PRMT3: variants seen among roughly 807,000 people sequenced by gnomAD.
PRMT3 encodes protein arginine methyltransferase 3, also known as protein arginine N-methyltransferase 3.
Under a neutral mutation model 71.9 loss-of-function variants are expected in PRMT3, and 62 were observed. The observed-to-expected ratio is 0.86, with a 90% CI of 0.70 to 1.07. PRMT3 has a LOEUF of 1.07. PRMT3 is among the 50% of genes least tolerant of loss of function. The pLI, the probability that PRMT3 is intolerant of heterozygous loss-of-function variation, is 0.00. For synonymous variants in PRMT3, 213 were observed against 220.4 expected (o/e 0.97, Z 0.30); for missense variants, 663 against 643.0 (o/e 1.03, Z -0.34).
Position 20,508,171 on chromosome 11 carries a change from GAAT to G in PRMT3, c.1487-131_1487-129del, listed in dbSNP as rs1366783509. The G allele has an allele frequency of 8.7e-5, 30 of 345,976 alleles. No homozygotes were observed. The East Asian group carries it at 9.2e-4, about 11-fold the overall frequency. 21.4% of individuals were successfully genotyped at this position (345,976 alleles called of 1,614,324 possible). A position where few individuals can be genotyped will look rare whatever the true frequency, so the allele number is the denominator to read the frequency against. On this transcript the variant is annotated intron_variant, in intron 15 of 15. Transcript: ENST00000331079. ...TCTTAAAAAAAAAAAAAAAAAAAAAGAATATTAACCTTAAATAAAGTTTAAAAA... is the reference window on the plus strand; with the variant it reads ...TCTTAAAAAAAAAAAAAAAAAAAAAGATTAACCTTAAATAAAGTTTAAAAA...
chr11:20,471,919 C>A (rs1001360780), intron 13 of PRMT3, among the ~76,000 whole-genome samples: 2 of 152,080 alleles, frequency 1.3e-5, no homozygotes, highest in African/African-American at 4.8e-5. Context: ...TCCTTCACTT[C>A]CCTCGTTAGC....
intron 6 of PRMT3, among the ~76,000 whole-genome samples, chr11:20,396,194 G>C (rs1366009891): frequency 6.6e-6 from 1 of 152,130 alleles, no homozygotes; most frequent in Non-Finnish European, 1.5e-5. Flanking sequence ...TTGTCCTCAT[G>C]AATGTTTTTG....
intron 10 of PRMT3, among the ~76,000 whole-genome samples, chr11:20,447,601 T>G (rs2133381513): frequency 6.6e-6 from 1 of 152,258 alleles, no homozygotes; most frequent in Middle Eastern, 3.4e-3. Context: ...CAGTATACTT[T>G]GTTACATGAA....
At chr11:20,403,945 A>T (rs781618833) in intron 8 of PRMT3, among the ~76,000 whole-genome samples, 1 of 151,794 alleles carries the variant, frequency 6.6e-6, no homozygotes, top group Non-Finnish European at 1.5e-5. Flanking sequence ...TATAATCTGG[A>T]TTGGCTTTTC....
chr11:20,420,263 T>G (rs534481342), intron 9 of PRMT3, among the ~76,000 whole-genome samples: 2 of 152,270 alleles, frequency 1.3e-5, no homozygotes, highest in East Asian at 3.9e-4. Context: ...ATCAGAAAAA[T>G]CTATTGAGCG....
At chr11:20,500,767 G>A (rs899201817) in intron 15 of PRMT3, among the ~76,000 whole-genome samples, 3 of 152,164 alleles carry the variant, frequency 2.0e-5, no homozygotes, top group African/African-American at 4.8e-5. Context: ...AGCTTAGACT[G>A]TAAAACTTCT....
At chr11:20,424,165 C>G (rs1260707071) in intron 9 of PRMT3, among the ~76,000 whole-genome samples, 3 of 111,150 alleles carry the variant, frequency 2.7e-5, no homozygotes, top group African/African-American at 7.3e-5. Context: ...GCCTGGGCAA[C>G]AAAGCAAGAC....
At chr11:20,467,048 G>A (rs1470698398) in intron 13 of PRMT3, among the ~76,000 whole-genome samples, 1 of 152,172 alleles carries the variant, frequency 6.6e-6, no homozygotes, top group African/African-American at 2.4e-5. Context: ...GGTGGCAGGA[G>A]GTTGGAGTGG....
chr11:20,477,774 G>A (rs1850828302), intron 13 of PRMT3, among the ~76,000 whole-genome samples: 1 of 151,052 alleles, frequency 6.6e-6, no homozygotes, highest in South Asian at 2.1e-4. Flanking sequence ...TGAACTGTGT[G>A]GCCACAGAAG....
At chr11:20,441,993 ATGT>A (rs1294861854) in intron 10 of PRMT3, among the ~76,000 whole-genome samples, 1 of 152,028 alleles carries the variant, frequency 6.6e-6, no homozygotes, top group Non-Finnish European at 1.5e-5. Context: ...GGGTTTCGCC[ATGT>A]TGGCGGGGCT....
intron 15 of PRMT3, among the ~76,000 whole-genome samples, chr11:20,500,975 C>T (rs185668579): frequency 6.6e-6 from 1 of 152,316 alleles, no homozygotes; most frequent in East Asian, 1.9e-4. Context: ...CAACCCCATC[C>T]TTTCACAACC....
chr11:20,415,475 A>G (rs1849284723), intron 9 of PRMT3, among the ~76,000 whole-genome samples: 2 of 151,698 alleles, frequency 1.3e-5, no homozygotes, highest in African/African-American at 4.8e-5. Context: ...CAGAAACAGC[A>G]GGAAAAAGAT....
chr11:20,464,098 G>A (rs7944107), intron 12 of PRMT3, among the ~76,000 whole-genome samples: 139,130 of 152,218 alleles, frequency 0.91, 64,311 homozygotes, highest in Non-Finnish European at 0.99. Flanking sequence ...ACCATACACA[G>A]TAGGCAAAAT....
intron 7 of PRMT3, among the ~76,000 whole-genome samples, chr11:20,398,012 TA>T (rs11424785): frequency 0.031 from 3,757 of 121,654 alleles, 170 homozygotes; most frequent in African/African-American, 0.11. Flanking sequence ...TGTCTCTATT[TA>T]AAAAAAAAAA....
intron 13 of PRMT3, among the ~76,000 whole-genome samples, chr11:20,471,905 G>A (rs2133417360): frequency 6.6e-6 from 1 of 152,190 alleles, no homozygotes; most frequent in Non-Finnish European, 1.5e-5. Context: ...TCTCCTTGAA[G>A]AGGTCCTTCA....
At chr11:20,476,136 G>T (rs1004607493) in intron 13 of PRMT3, among the ~76,000 whole-genome samples, 3 of 151,734 alleles carry the variant, frequency 2.0e-5, no homozygotes, top group Non-Finnish European at 4.4e-5. Flanking sequence ...GATCACCTCA[G>T]GTCAAGAGTT....
rs1400448463 is a variant in PRMT3, at chr11:20,466,341, C to T, written c.1347+1795C>T. On this transcript the variant is annotated intron_variant, in intron 13 of 15. Coordinates refer to ENST00000331079, the MANE Select transcript of PRMT3 (RefSeq NM_005788.4). ...CTACAGAGCTGCCTGTTTTAAATAG[C>T]CTAGCACTGTAGGTTCTATTTACCT... Among the ~76,000 whole-genome samples the T allele has an allele frequency of 2.6e-5, 4 of 152,156 alleles. No homozygotes were observed. In the East Asian group the frequency reaches 5.8e-4, roughly 22 times the overall value.
At chr11:20,412,617 C>T (rs962455229) in intron 9 of PRMT3, among the ~76,000 whole-genome samples, 1 of 152,032 alleles carries the variant, frequency 6.6e-6, no homozygotes, top group Non-Finnish European at 1.5e-5. Context: ...GAAACTTATA[C>T]ATTATATCAG....
rs370312922 is a variant in PRMT3 at position 20,494,173 on chromosome 11, T to C, written c.1405T>C (p.Phe469Leu). Residue 469 changes from phenylalanine (F) to leucine (L), a missense_variant, in exon 15 of 16, where the codon TTC (phenylalanine) becomes CTC (leucine). Physicochemically the swap from Phe to Leu is conservative, Grantham distance 22 (BLOSUM62 0). Transcript: ENST00000331079. ...FEKNCHNRVV[F>L]STGPQSTKTH... is the part of the protein sequence containing the mutation. Reference sequence around the variant, plus strand: ...TTGAACTTTACCAATTCAGGTCGTGTTCTCTACGGGCCCTCAGAGCACCAA... The same window carrying C: ...TTGAACTTTACCAATTCAGGTCGTGCTCTCTACGGGCCCTCAGAGCACCAA... The C allele has an allele frequency of 1.3e-5, 21 of 1,605,986 alleles. No homozygotes were observed. Among genetic ancestry groups the C allele is most frequent in the Non-Finnish European group, 1.8e-5 (21 of 1,172,946 alleles).
Sources: allele counts gnomAD v4.1 joint callset (sites outside exome capture counted in the v4.1 genomes callset), GRCh38; gene constraint gnomAD v4.1.1; transcripts MANE v1.5; gene names NCBI Gene and HGNC (gene_info 2026-07-23, HGNC 2026-07-21).